CREBL2: variants seen among roughly 807,000 people sequenced by gnomAD.
CREBL2 encodes cAMP-responsive element-binding protein-like 2.
Under a neutral mutation model 19.5 loss-of-function variants are expected in CREBL2, and 4 were observed. The ratio of observed to expected loss-of-function variants is 0.20; its 90% CI spans 0.10 to 0.47. The LOEUF (loss-of-function observed/expected upper bound fraction) is 0.47, where lower values mean the gene tolerates loss of function less well. CREBL2 is among the 20% of genes least tolerant of loss of function. The probability of loss-of-function intolerance (pLI) is 0.98; values close to 1 mark genes in which losing one functional copy is unlikely to be tolerated. For missense variants in CREBL2, 85 were observed against 145.1 expected (o/e 0.59, Z 2.13); for synonymous variants, 42 against 46.6 (o/e 0.90, Z 0.40).
At chr12:12,637,108 C>A (rs1425525009) in intron 2 of CREBL2, among the ~76,000 whole-genome samples, 2 of 152,066 alleles carry the variant, frequency 1.3e-5, no homozygotes, top group Admixed American at 1.3e-4. Context: ...TTGTATACCC[C>A]CAAAGTCCCT....
At chr12:12,640,893 T>A (rs1945512003) in intron 3 of CREBL2, among the ~76,000 whole-genome samples, 1 of 152,196 alleles carries the variant, frequency 6.6e-6, no homozygotes, top group South Asian at 2.1e-4. Context: ...AAGTCCAATT[T>A]ATCTATTTTT....
rs1290373052 is a variant in CREBL2 at position 12,630,869 on chromosome 12, G to C, written c.16-4908G>C. On this transcript the variant is annotated intron_variant, in intron 1 of 3. Transcript: ENST00000228865. ...ACAATTGCCATCTATTTTCCTCAAA[G>C]TATTTTTCTAATTTCTCTCATAATC... is the stretch of plus-strand genomic sequence containing the variant. Among the ~76,000 whole-genome samples the C allele has an allele frequency of 1.3e-5, 2 of 152,074 alleles. 1 individual carries two copies.
At chr12:12,625,967 A>T (rs1262450963) in intron 1 of CREBL2, among the ~76,000 whole-genome samples, 1 of 152,214 alleles carries the variant, frequency 6.6e-6, no homozygotes, top group Admixed American at 6.5e-5. Context: ...GATGAGGATA[A>T]TAGTGCTTAC....
intron 1 of CREBL2, chr12:12,614,857 GTTTT>G (rs34663387): frequency 1.5e-3 from 260 of 168,808 alleles, no homozygotes; most frequent in South Asian, 4.2e-3. Flanking sequence ...TAGGGCATTA[GTTTT>G]TTTTTTTTTT....
At chr12:12,632,271 G>T (rs1945447868) in intron 1 of CREBL2, among the ~76,000 whole-genome samples, 1 of 151,288 alleles carries the variant, frequency 6.6e-6, no homozygotes, top group African/African-American at 2.4e-5. Context: ...TAGAGACGGG[G>T]TTTCACCGTT....
Position 12,612,087 on chromosome 12 carries a change from C to G in CREBL2, c.-86C>G. ...GCAGCCAGAACCATATCCCCTTCTT[C>G]CTCGGGGCGGGGGCCGGGCCAGGCC... On this transcript the variant is annotated 5_prime_UTR_variant, in exon 1 of 4. Coordinates refer to ENST00000228865, the MANE Select transcript of CREBL2 (RefSeq NM_001310.4). 6.5e-7 allele frequency: 1 copy of G among 1,545,028 alleles called. No individual in the cohort carries two copies. The highest frequency in any genetic ancestry group is 1.1e-5 in the South Asian group (1 of 89,772).
At chr12:12,625,406 A>G (rs1488793251) in intron 1 of CREBL2, among the ~76,000 whole-genome samples, 4 of 152,200 alleles carry the variant, frequency 2.6e-5, no homozygotes, top group African/African-American at 4.8e-5. Flanking sequence ...AAAGTTTGTT[A>G]GTTAACCTCC....
chr12:12,622,913 A>G (rs1324570183), intron 1 of CREBL2, among the ~76,000 whole-genome samples: 1 of 152,178 alleles, frequency 6.6e-6, no homozygotes, highest in Non-Finnish European at 1.5e-5. Flanking sequence ...TTTTTGGCTG[A>G]GGCTGCTGGT....
In CREBL2 at chr12:12,640,277, C is replaced by G. The variant is rs566531274; in HGVS notation, c.359-1717C>G. Among the ~76,000 whole-genome samples the G allele has an allele frequency of 5.2e-3, 787 of 152,248 alleles. 5 individuals carry two copies. Among genetic ancestry groups the G allele is most frequent in the Non-Finnish European group, 8.4e-3 (572 of 68,020 alleles). On this transcript the variant is annotated intron_variant, in intron 3 of 3. Coordinates refer to ENST00000228865, the MANE Select transcript of CREBL2 (RefSeq NM_001310.4). ...AGAGTGGCTGTTTATAGACCTCCCC[C>G]CAGGAACACATTCCTTTCCCAGGGT...
At chr12:12,620,002 T>C (rs1480196503) in intron 1 of CREBL2, among the ~76,000 whole-genome samples, 1 of 152,200 alleles carries the variant, frequency 6.6e-6, no homozygotes, top group African/African-American at 2.4e-5. Flanking sequence ...AAAATTTTAA[T>C]TTGGCAAAAA....
At chr12:12,634,342 C>T (rs1213248336) in intron 1 of CREBL2, among the ~76,000 whole-genome samples, 1 of 152,100 alleles carries the variant, frequency 6.6e-6, no homozygotes, top group Non-Finnish European at 1.5e-5. Context: ...TGGCAGTCAC[C>T]TAATAATTGT....
rs1348819563 is a variant in CREBL2 at position 12,644,061 on chromosome 12, T to G, written c.*2063T>G. 1 of 152,676 alleles carries G rather than the reference T, an allele frequency of 6.5e-6. No homozygotes were observed. The highest frequency in any genetic ancestry group is 1.5e-5 in the Non-Finnish European group (1 of 68,050). 9.5% of individuals were successfully genotyped at this position (152,676 alleles called of 1,614,324 possible). A position where few individuals can be genotyped will look rare whatever the true frequency, so the allele number is the denominator to read the frequency against. On this transcript the variant is annotated 3_prime_UTR_variant, in exon 4 of 4. Coordinates refer to ENST00000228865, the MANE Select transcript of CREBL2 (RefSeq NM_001310.4). ...GTGCTTGAAGTATTTCTTCTCTGGT[T>G]GTAATTCTAAATTACAGAGTCATTT...
intron 1 of CREBL2, among the ~76,000 whole-genome samples, chr12:12,618,739 A>C (rs557510937): frequency 1.3e-5 from 2 of 152,292 alleles, no homozygotes; most frequent in African/African-American, 4.8e-5. Flanking sequence ...AGCCTGGGCA[A>C]CATTGAGCAC....
intron 3 of CREBL2, among the ~76,000 whole-genome samples, chr12:12,637,961 G>C (rs959250750): frequency 2.0e-5 from 3 of 151,890 alleles, no homozygotes; most frequent in African/African-American, 7.3e-5. Flanking sequence ...AGGATCACCT[G>C]AGCCCAGGGA....
chr12:12,642,169 C>CT lies in CREBL2; in HGVS notation c.*174dup. On this transcript the variant is annotated 3_prime_UTR_variant, in exon 4 of 4. Coordinates refer to ENST00000228865, the MANE Select transcript of CREBL2 (RefSeq NM_001310.4). ...TGATCGTAGATCTCAAAGGATCTTG[C>CT]TTTAACTTTCAACACTTAGAAAATC... 6.9e-6 allele frequency: 3 copies of CT among 436,128 alleles called. No homozygotes were observed. Among genetic ancestry groups the CT allele is most frequent in the Non-Finnish European group, 8.1e-6 (2 of 247,938 alleles). The allele number at this position is 436,128 out of a possible 1,614,324, so 27.0% of individuals were successfully genotyped here. A position where few individuals can be genotyped will look rare whatever the true frequency, so the allele number is the denominator to read the frequency against.
intron 1 of CREBL2, among the ~76,000 whole-genome samples, chr12:12,626,824 C>G (rs1945405247): frequency 6.6e-6 from 1 of 150,594 alleles, no homozygotes; most frequent in African/African-American, 2.4e-5. Flanking sequence ...TAGCTTGAGC[C>G]CAAGAGTCTG....
chr12:12,639,850 A>T (rs928055949), intron 3 of CREBL2, among the ~76,000 whole-genome samples: 1 of 152,144 alleles, frequency 6.6e-6, no homozygotes, highest in African/African-American at 2.4e-5. Context: ...AGTTTTTATT[A>T]AGGGTTTCAA....
chr12:12,615,128 C>T (rs532496119), intron 1 of CREBL2, among the ~76,000 whole-genome samples: 1 of 152,166 alleles, frequency 6.6e-6, no homozygotes, highest in African/African-American at 2.4e-5. Context: ...GATTCTCCTG[C>T]GTCAGCCTCC....
chr12:12,638,549 A>C (rs1246158496), intron 3 of CREBL2, among the ~76,000 whole-genome samples: 1 of 152,182 alleles, frequency 6.6e-6, no homozygotes, highest in African/African-American at 2.4e-5. Context: ...TAATAGACTT[A>C]GTCCATAAAT....
Sources: gnomAD v4.1 joint callset for allele counts (sites outside exome capture counted in the v4.1 genomes callset) on GRCh38, gnomAD v4.1.1 for gene constraint, MANE v1.5 for transcripts, NCBI Gene and HGNC (gene_info 2026-07-23, HGNC 2026-07-21) for gene names.